The following ING4 variants were observed in gnomAD, a reference collection of about 807,000 sequenced individuals.
ING4 encodes the protein inhibitor of growth family member 4.
In ING4, 28 loss-of-function variants were observed where a neutral mutation model predicts 33.1. That is an observed-to-expected ratio of 0.85 (90% confidence interval 0.63 to 1.16). The LOEUF (loss-of-function observed/expected upper bound fraction) is 1.16, where lower values mean the gene tolerates loss of function less well. Among genes scored for constraint, ING4 ranks in the 50% most tolerant of loss-of-function variants. ING4 has a pLI of 0.00. For missense variants in ING4, 247 were observed against 314.7 expected (o/e 0.78, Z 1.63); for synonymous variants, 87 against 104.4 (o/e 0.83, Z 1.02).
intron 1 of ING4, 98 bp downstream of exon 1, chr12:6,662,967 G>T: frequency 7.7e-7 from 1 of 1,299,420 alleles, no homozygotes; most frequent in Non-Finnish European, 1.1e-6. Context: ...TCATAATTGT[G>T]ACCTTCTCGT....
chr12:6,653,452 C>G, intron 2 of ING4, 56 bp from the exon 3 acceptor site: 2 of 1,517,858 alleles, frequency 1.3e-6, no homozygotes, highest in South Asian at 2.4e-5. Flanking sequence ...AGGTGAAACA[C>G]ATTTCTTCCT....
In ING4 at chr12:6,650,846, C is replaced by T. The variant is rs1949158176; in HGVS notation, c.*349G>A. ...ATGAAGAGGTCTGGGGGACTGCCCC[C>T]ATGCTATGCCCCAGTCCTTAAATAC... On this transcript the variant is annotated 3_prime_UTR_variant, in exon 8 of 8. Coordinates refer to ENST00000341550, the MANE Select transcript of ING4 (RefSeq NM_016162.4). The T allele has an allele frequency of 2.9e-6, 1 of 344,478 alleles. No homozygotes were observed. Among genetic ancestry groups the T allele is most frequent in the African/African-American group, 2.1e-5 (1 of 48,326 alleles). 21.3% of individuals were successfully genotyped at this position (344,478 alleles called of 1,614,324 possible). A position where few individuals can be genotyped will look rare whatever the true frequency, so the allele number is the denominator to read the frequency against.
At position 6,651,223 on chromosome 12, in the gene ING4, C is replaced by T. The variant is rs751519940; in HGVS notation, c.719G>A (p.Arg240His). 5 of 1,614,076 alleles carry T rather than the reference C, an allele frequency of 3.1e-6. No individual in the cohort carries two copies. The highest frequency in any genetic ancestry group is 2.2e-5 in the East Asian group (1 of 44,900). ...TKPRGKWFCP[R>H]CSQERKKK ...TTTCTTCTTCCGTTCTTGGGAGCAG[C>T]GTGGGCAAAACCTGAAACAGAGAAG... The change falls in exon 8 of 8, where the codon CGC (arginine) becomes CAC (histidine). Residue 240 changes from arginine to histidine, a missense_variant. By Grantham distance (29) the Arg-to-His change is conservative. Transcript: ENST00000341550.
intron 6 of ING4, 69 bp downstream of exon 6, chr12:6,652,202 T>C (rs1555079769): frequency 2.6e-6 from 4 of 1,538,886 alleles, no homozygotes; most frequent in Non-Finnish European, 2.7e-6. Flanking sequence ...AACTGTGGGA[T>C]TTTCCCTCTT....
At chr12:6,658,254 C>T (rs576375272) in intron 1 of ING4, among the ~76,000 whole-genome samples, 5 of 152,110 alleles carry the variant, frequency 3.3e-5, no homozygotes, top group East Asian at 3.9e-4. Flanking sequence ...GCCACTAAGA[C>T]GGGCCCCTTT....
rs775078189 is a variant in ING4 at position 6,653,027 on chromosome 12, C to T, written c.300G>A (p.Leu100=). ...CCTCAAAACGGGCCAGGTCTGTGTC[C>T]AGCCGCCGAATGTGTTTGTCCACCT... is the stretch of plus-strand genomic sequence containing the variant. ...YEMVDKHIRR[L]DTDLARFEAD... Residue 100 remains leucine (L), a synonymous_variant, in exon 4 of 8, where the codon CTG becomes CTA. Transcript: ENST00000341550. 1.2e-6 allele frequency: 2 copies of T among 1,614,018 alleles called. No individual in the cohort carries two copies. The highest frequency in any genetic ancestry group is 1.7e-5 in the Admixed American group (1 of 59,990).
At chr12:6,654,009 T>C (rs1435861766) in intron 2 of ING4, among the ~76,000 whole-genome samples, 2 of 152,112 alleles carry the variant, frequency 1.3e-5, no homozygotes, top group Admixed American at 1.3e-4. Context: ...TAATTTTTTC[T>C]ATTTTTTTGT....
At chr12:6,661,745 G>A (rs1327606224) in intron 1 of ING4, among the ~76,000 whole-genome samples, 1 of 151,976 alleles carries the variant, frequency 6.6e-6, no homozygotes, top group East Asian at 1.9e-4. Flanking sequence ...CACTTTCTAA[G>A]CAGGAAGAAG....
intron 6 of ING4, among the ~76,000 whole-genome samples, chr12:6,651,984 C>A (rs1392819745): frequency 6.6e-6 from 1 of 151,794 alleles, no homozygotes; most frequent in African/African-American, 2.4e-5. Context: ...CTCAGCCTCC[C>A]GAGTAGCTGG....
At position 6,663,004 on chromosome 12, in the gene ING4, T is replaced by G; in HGVS notation, c.37+61A>C. On this transcript the variant is annotated intron_variant, in intron 1 of 7. Coordinates refer to ENST00000341550, the MANE Select transcript of ING4 (RefSeq NM_016162.4). Reference sequence around the variant, plus strand: ...ACTGGAACTTAAGGGCTACAGATCCTCTCATCCCTGATCCCCGCACCACTC... The same window carrying G: ...ACTGGAACTTAAGGGCTACAGATCCGCTCATCCCTGATCCCCGCACCACTC... 3 of 1,554,348 alleles carry G rather than the reference T, an allele frequency of 1.9e-6. No individual in the cohort carries two copies. In the South Asian group the frequency reaches 3.4e-5, roughly 17 times the overall value.
At position 6,652,944 on chromosome 12, in the gene ING4, C is replaced by T; in HGVS notation, c.383G>A (p.Gly128Asp). The change falls in exon 4 of 8, where the codon GGC becomes GAC. Residue 128 changes from glycine (G) to aspartate (D), a missense_variant. Transcript: ENST00000341550. Reference sequence around the variant, plus strand: ...CCCCGCCCCCTCCTCACTCTTTTTGCCTTTGCTGGAAGAGCTGTCATAGTC... The same window carrying T: ...CCCCGCCCCCTCCTCACTCTTTTTGTCTTTGCTGGAAGAGCTGTCATAGTC... The part of the protein sequence containing the change: ...SSDYDSSSSK[G>D]KKSRTQKEKK... 1.2e-6 allele frequency: 2 copies of T among 1,613,462 alleles called. No homozygotes were observed. The highest frequency in any genetic ancestry group is 1.7e-6 in the Non-Finnish European group (2 of 1,179,542).
intron 3 of ING4, 75 bp from the exon 4 acceptor site, chr12:6,653,125 A>G: frequency 2.5e-6 from 4 of 1,593,988 alleles, no homozygotes; most frequent in South Asian, 1.1e-5. Flanking sequence ...GGCAGAGTTT[A>G]TGGATCTCAC....
At chr12:6,652,833 T>C (rs1949228041) in intron 4 of ING4, 66 bp from the exon 5 acceptor site, 2 of 1,567,910 alleles carry the variant, frequency 1.3e-6, no homozygotes, top group Non-Finnish European at 8.8e-7. Context: ...TCCTCTTCTC[T>C]CCCCCTTTCC....
intron 1 of ING4, among the ~76,000 whole-genome samples, chr12:6,658,851 G>A (rs995056314): frequency 6.6e-6 from 1 of 152,112 alleles, no homozygotes; most frequent in African/African-American, 2.4e-5. Context: ...GTCTCCCTTT[G>A]TGCTCTGCTT....
At chr12:6,662,958 C>T in intron 1 of ING4, 107 bp downstream of exon 1, 1 of 1,252,118 alleles carries the variant, frequency 8.0e-7, no homozygotes, top group African/African-American at 1.5e-5. Context: ...AGAACCGCTT[C>T]ATAATTGTGA....
chr12:6,662,528 C>A (rs916863309), intron 1 of ING4, among the ~76,000 whole-genome samples: 1 of 152,168 alleles, frequency 6.6e-6, no homozygotes, highest in African/African-American at 2.4e-5. Context: ...AGGCTTTCTG[C>A]AGGGGTGGTT....
chr12:6,660,550 G>A (rs1949515229), intron 1 of ING4, among the ~76,000 whole-genome samples: 1 of 152,138 alleles, frequency 6.6e-6, no homozygotes, highest in Admixed American at 6.5e-5. Context: ...AGAGGTTGCA[G>A]TGGGCCAAGA....
intron 6 of ING4, 128 bp from the exon 7 acceptor site, chr12:6,651,513 A>G: frequency 1.4e-6 from 1 of 735,630 alleles, no homozygotes; most frequent in South Asian, 1.7e-5. Flanking sequence ...GGAAGTCCCA[A>G]GGCCAACCAG....
Position 6,652,916 on chromosome 12 carries a change from C to T in ING4, c.391+20G>A, listed in dbSNP as rs1482488393. The T allele has an allele frequency of 2.3e-5, 37 of 1,600,862 alleles. No homozygotes were observed. The highest frequency in any genetic ancestry group is 3.2e-5 in the Non-Finnish European group (37 of 1,168,240). ...CTTTCAGTCCTCGCCCCACCTCTCA[C>T]AGCCCCGCCCCCTCCTCACTCTTTT... is the stretch of plus-strand genomic sequence containing the variant. On this transcript the variant is annotated intron_variant, in intron 4 of 7. Coordinates refer to ENST00000341550, the MANE Select transcript of ING4 (RefSeq NM_016162.4).
Sources: gnomAD v4.1 joint callset for allele counts (sites outside exome capture counted in the v4.1 genomes callset) on GRCh38, gnomAD v4.1.1 for gene constraint, MANE v1.5 for transcripts, NCBI Gene and HGNC (gene_info 2026-07-23, HGNC 2026-07-21) for gene names.